Variants in C1QL1 observed in about 807,000 individuals in gnomAD.
C1QL1 encodes C1q-related factor.
A neutral mutation model predicts 14.2 loss-of-function variants in C1QL1; 15 were observed. That is an observed-to-expected ratio of 1.06 (90% confidence interval 0.71 to 1.62). C1QL1 has a LOEUF of 1.62. Ranked by LOEUF, C1QL1 falls within the 40% of genes most tolerant of loss-of-function variation. C1QL1 has a pLI of 0.00. For missense variants in C1QL1, 346 were observed against 380.3 expected (o/e 0.91, Z 0.75); for synonymous variants, 172 against 172.4 (o/e 1.00, Z 0.02).
At chr17:44,961,540 C>T (rs2052626786) in intron 1 of C1QL1, among the ~76,000 whole-genome samples, 1 of 147,476 alleles carries the variant, frequency 6.8e-6, no homozygotes, top group Non-Finnish European at 1.5e-5. Context: ...TGCAGTGAGC[C>T]GAGATCATGC....
rs2052666803 is a variant in C1QL1, at chr17:44,967,882, C to G, written c.167G>C (p.Ser56Thr). Residue 56 changes from serine to threonine, a missense_variant, in exon 1 of 2, where the codon AGC (serine) becomes ACC (threonine). Coordinates refer to ENST00000253407, the MANE Select transcript of C1QL1 (RefSeq NM_006688.5). The surrounding 1 kb of genome is among the most constrained non-coding windows in gnomAD (Gnocchi z 7.0). ...CAGCGTGGAAGGCGGGGGCGCGCCG[C>G]TCTGCTCGCTCAGGGCGTCGCCGCC... Reference protein sequence around the residue: ...TDGGDALSEQSGAPPPSTLVQ... With the variant: ...TDGGDALSEQTGAPPPSTLVQ... 1 of 1,272,912 alleles carries G rather than the reference C, an allele frequency of 7.9e-7. No individual in the cohort carries two copies. The highest frequency in any genetic ancestry group is 1.6e-5 in the African/African-American group (1 of 63,860). The allele number at this position is 1,272,912 out of a possible 1,614,324, so 78.9% of individuals were successfully genotyped here. A position where few individuals can be genotyped will look rare whatever the true frequency, so the allele number is the denominator to read the frequency against.
Position 44,967,436 on chromosome 17 carries a change from CCCCCGCCTGG to C in C1QL1, c.597+6_597+15del. 1 of 1,610,814 alleles carries C rather than the reference CCCCCGCCTGG, an allele frequency of 6.2e-7. No homozygotes were observed. The highest frequency in any genetic ancestry group is 2.2e-5 in the East Asian group (1 of 44,800). On this transcript the variant is annotated splice_donor_region_variant and intron_variant, in intron 1 of 1. Transcript: ENST00000253407. The surrounding 1 kb of genome is among the most constrained non-coding windows in gnomAD (Gnocchi z 7.0). ...GCCCTGGGCCCAGCCCAGCCCCATG[CCCCCGCCTGG>C]CCCACCTGGCCATTCTTGCAGAGGT...
chr17:44,960,420 G>T (rs1277836773), intron 1 of C1QL1, 53 bp from the exon 2 acceptor site: 4 of 1,374,658 alleles, frequency 2.9e-6, no homozygotes, highest in Admixed American at 1.7e-5. Context: ...GGATGAGAAG[G>T]GAGGGAGGTG....
In C1QL1 at chr17:44,959,902, G is replaced by T; in HGVS notation, c.*286C>A. 1 of 318,884 alleles carries T rather than the reference G, an allele frequency of 3.1e-6. No homozygotes were observed. Among genetic ancestry groups the T allele is most frequent in the Non-Finnish European group, 5.7e-6 (1 of 174,840 alleles). 19.8% of individuals were successfully genotyped at this position (318,884 alleles called of 1,614,324 possible). A position where few individuals can be genotyped will look rare whatever the true frequency, so the allele number is the denominator to read the frequency against. On this transcript the variant is annotated 3_prime_UTR_variant, in exon 2 of 2. Coordinates refer to ENST00000253407, the MANE Select transcript of C1QL1 (RefSeq NM_006688.5). Reference sequence around the variant, plus strand: ...CCAGGCTGGGGTGGGCTGGCAGGCGGAGGTGGGCAGTAAACAGTCCTATTG... The same window carrying T: ...CCAGGCTGGGGTGGGCTGGCAGGCGTAGGTGGGCAGTAAACAGTCCTATTG...
At position 44,967,760 on chromosome 17, in the gene C1QL1, C is replaced by T; in HGVS notation, c.289G>A (p.Gly97Arg). The T allele has an allele frequency of 1.3e-6, 2 of 1,567,658 alleles. No individual in the cohort carries two copies. The highest frequency in any genetic ancestry group is 2.3e-5 in the South Asian group (2 of 88,350). The change falls in exon 1 of 2, where the codon GGG (glycine) becomes AGG (arginine). Residue 97 changes from glycine (G) to arginine (R), a missense_variant. Coordinates refer to ENST00000253407, the MANE Select transcript of C1QL1 (RefSeq NM_006688.5). The surrounding 1 kb of genome is among the most constrained non-coding windows in gnomAD (Gnocchi z 7.0). ...PGPPGPVGPPGEKGEPGKPGP... is the reference protein window; with the variant it reads ...PGPPGPVGPPREKGEPGKPGP... ...GGCTTGCCTGGCTCACCCTTCTCCCCCGGCGGCCCCACAGGGCCGGGAGGA... is the reference window on the plus strand; with the variant it reads ...GGCTTGCCTGGCTCACCCTTCTCCCTCGGCGGCCCCACAGGGCCGGGAGGA...
At chr17:44,960,396 C>A in intron 1 of C1QL1, 29 bp from the exon 2 acceptor site, 1 of 1,561,752 alleles carries the variant, frequency 6.4e-7, no homozygotes, top group Non-Finnish European at 8.8e-7. Flanking sequence ...GGAGGGAGGG[C>A]GAGAGGAGAG....
intron 1 of C1QL1, among the ~76,000 whole-genome samples, chr17:44,962,595 T>C (rs1320451703): frequency 6.6e-6 from 1 of 152,238 alleles, no homozygotes; most frequent in Non-Finnish European, 1.5e-5. Flanking sequence ...TTGATGGGGC[T>C]TTGAGTTATT....
rs113105262 is a variant in C1QL1 at position 44,967,367 on chromosome 17, C to T, written c.597+85G>A. 5.7e-6 allele frequency: 8 copies of T among 1,413,910 alleles called. No individual in the cohort carries two copies. Among genetic ancestry groups the T allele is most frequent in the African/African-American group, 1.4e-5 (1 of 69,750 alleles). The allele number at this position is 1,413,910 out of a possible 1,614,324, so 87.6% of individuals were successfully genotyped here. A position where few individuals can be genotyped will look rare whatever the true frequency, so the allele number is the denominator to read the frequency against. On this transcript the variant is annotated intron_variant, in intron 1 of 1. Transcript: ENST00000253407. The surrounding 1 kb of genome is among the most constrained non-coding windows in gnomAD (Gnocchi z 7.0). ...TCCACCTGCGTCCGCCTGGCGCCCC[C>T]GCCAACTCCGATCAGGTACCCATTT...
rs1480610757 is a variant in C1QL1, at chr17:44,960,385, G to C, written c.598-18C>G. 6.9e-6 allele frequency: 11 copies of C among 1,597,870 alleles called. No homozygotes were observed. Among genetic ancestry groups the C allele is most frequent in the Non-Finnish European group, 9.4e-6 (11 of 1,166,436 alleles). Reference sequence around the variant, plus strand: ...GCCCGCACCTGCGGGTGGGGGACACGGGAGGGAGGGCGAGAGGAGAGAGAG... The same window carrying C: ...GCCCGCACCTGCGGGTGGGGGACACCGGAGGGAGGGCGAGAGGAGAGAGAG... On this transcript the variant is annotated intron_variant, in intron 1 of 1. Coordinates refer to ENST00000253407, the MANE Select transcript of C1QL1 (RefSeq NM_006688.5).
At chr17:44,960,674 C>T (rs548437856) in intron 1 of C1QL1, among the ~76,000 whole-genome samples, 1 of 152,328 alleles carries the variant, frequency 6.6e-6, no homozygotes, top group South Asian at 2.1e-4. Flanking sequence ...AACCTCAATA[C>T]CTCCAGGAAG....
Position 44,960,088 on chromosome 17 carries a change from C to G in C1QL1, c.*100G>C. ...CCGGGGGCGTCATAGCCGGGGAGGG[C>G]CGGGCAGCGAGCGGGTGGGCGAGGG... On this transcript the variant is annotated 3_prime_UTR_variant, in exon 2 of 2. Transcript: ENST00000253407. 9.1e-7 allele frequency: 1 copy of G among 1,094,320 alleles called. No homozygotes were observed. Among genetic ancestry groups the G allele is most frequent in the Non-Finnish European group, 1.4e-6 (1 of 726,134 alleles). 67.8% of individuals were successfully genotyped at this position (1,094,320 alleles called of 1,614,324 possible).
At chr17:44,963,100 T>C (rs772587650) in intron 1 of C1QL1, among the ~76,000 whole-genome samples, 8 of 152,086 alleles carry the variant, frequency 5.3e-5, no homozygotes, top group Admixed American at 1.3e-4. Context: ...TTGGGCCTTG[T>C]TATGAGGGAG....
rs1294051239 is a variant in C1QL1, at chr17:44,967,112, G to A, written c.597+340C>T. On this transcript the variant is annotated intron_variant, in intron 1 of 1. Transcript: ENST00000253407. This position sits in a 1 kb window ranked among gnomAD's most constrained non-coding sequence, Gnocchi z 7.0. ...CCTCCCCTTATCGCCCACTGCTGTC[G>A]GCCCGAATCCACTTCCCAAGGGGCA... Among the ~76,000 whole-genome samples, 2 of 152,212 alleles carry A rather than the reference G, an allele frequency of 1.3e-5. No individual in the cohort carries two copies. Among genetic ancestry groups the A allele is most frequent in the Non-Finnish European group, 1.5e-5 (1 of 68,030 alleles).
Position 44,968,076 on chromosome 17 carries a change from C to A in C1QL1, c.-28G>T. The A allele has an allele frequency of 3.9e-6, 5 of 1,273,670 alleles. No homozygotes were observed. The highest frequency in any genetic ancestry group is 5.0e-6 in the Non-Finnish European group (5 of 1,007,126). The allele number at this position is 1,273,670 out of a possible 1,614,324, so 78.9% of individuals were successfully genotyped here. A position where few individuals can be genotyped will look rare whatever the true frequency, so the allele number is the denominator to read the frequency against. On this transcript the variant is annotated 5_prime_UTR_variant, in exon 1 of 2. Transcript: ENST00000253407. ...CCACACCCGCGGCGGCCGCTAGCAGCGTCTTTCGGCCCGCGCGGAGCCTGG... is the reference window on the plus strand; with the variant it reads ...CCACACCCGCGGCGGCCGCTAGCAGAGTCTTTCGGCCCGCGCGGAGCCTGG...
chr17:44,961,390 C>A (rs545819103), intron 1 of C1QL1, among the ~76,000 whole-genome samples: 4 of 151,480 alleles, frequency 2.6e-5, no homozygotes, highest in Non-Finnish European at 5.9e-5. Flanking sequence ...GTCAGGAGTT[C>A]GAGAACAGCC....
intron 1 of C1QL1, among the ~76,000 whole-genome samples, chr17:44,961,749 G>A (rs1050080831): frequency 1.3e-5 from 2 of 149,836 alleles, no homozygotes; most frequent in East Asian, 2.0e-4. Flanking sequence ...AGCCGGGCGC[G>A]GTGGCGGGCG....
At position 44,968,064 on chromosome 17, in the gene C1QL1, G is replaced by A. The variant is rs778143074; in HGVS notation, c.-16C>T. The A allele has an allele frequency of 1.9e-5, 25 of 1,298,782 alleles. No individual in the cohort carries two copies. Among genetic ancestry groups the A allele is most frequent in the Non-Finnish European group, 2.0e-5 (20 of 1,023,370 alleles). 80.5% of individuals were successfully genotyped at this position (1,298,782 alleles called of 1,614,324 possible). A position where few individuals can be genotyped will look rare whatever the true frequency, so the allele number is the denominator to read the frequency against. ...CCAGCAGCATCACCACACCCGCGGC[G>A]GCCGCTAGCAGCGTCTTTCGGCCCG... On this transcript the variant is annotated 5_prime_UTR_variant, in exon 1 of 2. Transcript: ENST00000253407.
Position 44,967,715 on chromosome 17 carries a change from C to T in C1QL1, c.334G>A (p.Gly112Ser), listed in dbSNP as rs757629312. ...PGKPGPPGLP[G>S]AGGSGAISTA... Reference sequence around the variant, plus strand: ...CTGATGGCGCCGCTGCCCCCCGCGCCCGGCAGCCCCGGAGGGCCCGGCTTG... The same window carrying T: ...CTGATGGCGCCGCTGCCCCCCGCGCTCGGCAGCCCCGGAGGGCCCGGCTTG... Residue 112 changes from glycine to serine, a missense_variant, in exon 1 of 2, where the codon GGC (glycine) becomes AGC (serine). Gly to Ser is a moderately conservative substitution (Grantham distance 56). Transcript: ENST00000253407. The surrounding 1 kb of genome is among the most constrained non-coding windows in gnomAD (Gnocchi z 7.0). The T allele has an allele frequency of 1.9e-6, 3 of 1,609,224 alleles. No homozygotes were observed. In the South Asian group the frequency reaches 3.3e-5, roughly 18 times the overall value.
Position 44,968,122 on chromosome 17 carries a change from C to G in C1QL1, c.-74G>C. 1 of 1,013,772 alleles carries G rather than the reference C, an allele frequency of 9.9e-7. No homozygotes were observed. 62.8% of individuals were successfully genotyped at this position (1,013,772 alleles called of 1,614,324 possible). ...CCTGGGGAGCGCCGGGCCGCCCGGC[C>G]GCGCCGTCGGGGCAATGGTGCCGGC... On this transcript the variant is annotated 5_prime_UTR_variant, in exon 1 of 2. Transcript: ENST00000253407.
Sources: allele counts gnomAD v4.1 joint callset (sites outside exome capture counted in the v4.1 genomes callset), GRCh38; gene constraint gnomAD v4.1.1; non-coding constraint Gnocchi (gnomAD v3.1); transcripts MANE v1.5; gene names NCBI Gene and HGNC (gene_info 2026-07-23, HGNC 2026-07-21).